ZNF385B: variants seen among roughly 807,000 people sequenced by gnomAD.
The protein encoded by ZNF385B is zinc finger protein 533.
Under a neutral mutation model 39.2 loss-of-function variants are expected in ZNF385B, and 23 were observed. The ratio of observed to expected loss-of-function variants is 0.59; its 90% CI spans 0.42 to 0.83. The LOEUF (loss-of-function observed/expected upper bound fraction) is 0.83. Ranked by LOEUF, ZNF385B falls within the 40% of genes least tolerant of loss-of-function variation. The pLI is 0.00. For synonymous variants in ZNF385B, 205 were observed against 222.6 expected, an observed-to-expected ratio of 0.92 and a Z score of 0.70; for missense variants, 552 against 598.9, an observed-to-expected ratio of 0.92 and a Z score of 0.82.
intron 3 of ZNF385B, among the ~76,000 whole-genome samples, chr2:179,749,869 C>T (rs1056432132): frequency 9.9e-5 from 15 of 152,080 alleles, no homozygotes; most frequent in Non-Finnish European, 2.1e-4. Context: ...TTAAGCAACT[C>T]TTATCTTTTA....
intron 3 of ZNF385B, among the ~76,000 whole-genome samples, chr2:179,634,533 C>A (rs1266657957): frequency 7.2e-5 from 11 of 152,114 alleles, no homozygotes. Context: ...GAATAGTAAT[C>A]ATTAAAAAGT....
In ZNF385B at chr2:179,445,607, C is replaced by T; in HGVS notation, c.1083G>A (p.Lys361=). The T allele has an allele frequency of 1.2e-6, 2 of 1,613,816 alleles. No individual in the cohort carries two copies. Among genetic ancestry groups the T allele is most frequent in the Non-Finnish European group, 1.7e-6 (2 of 1,179,900 alleles). The stretch of plus-strand genomic sequence containing the variant: ...CATCACAGATTTCACAATGAAATGT[C>T]TTGTTCTGTAGTCCTGACCCCTTAC... ...NGSKGSGLQN[K]TFHCEICDVH... Residue 361 remains lysine, a synonymous_variant, in exon 8 of 10, where the codon AAG becomes AAA. Transcript: ENST00000410066.
intron 3 of ZNF385B, among the ~76,000 whole-genome samples, chr2:179,740,103 A>C (rs1702000113): frequency 6.6e-6 from 1 of 152,186 alleles, no homozygotes. Context: ...TTCAAAATGT[A>C]GCCTGCCCTC....
chr2:179,760,159 T>C (rs1325891235), intron 3 of ZNF385B, among the ~76,000 whole-genome samples: 3 of 151,858 alleles, frequency 2.0e-5, no homozygotes, highest in South Asian at 2.1e-4. Flanking sequence ...AATCAGGATA[T>C]TGACATTGAT....
At chr2:179,469,765 T>C (rs563740266) in intron 6 of ZNF385B, among the ~76,000 whole-genome samples, 9 of 152,290 alleles carry the variant, frequency 5.9e-5, no homozygotes, top group South Asian at 2.1e-4. Flanking sequence ...TAGAGTCCTT[T>C]CTAAAATGTT....
At chr2:179,560,520 C>T (rs2061258996) in intron 3 of ZNF385B, among the ~76,000 whole-genome samples, 2 of 152,184 alleles carry the variant, frequency 1.3e-5, no homozygotes, top group Non-Finnish European at 2.9e-5. Context: ...CTACAACTTT[C>T]CAAACTCTGA....
intron 3 of ZNF385B, among the ~76,000 whole-genome samples, chr2:179,630,864 G>C (rs1244323378): frequency 6.6e-6 from 1 of 152,124 alleles, no homozygotes; most frequent in Admixed American, 6.5e-5. Context: ...TGAGAACTTC[G>C]TGACACATGC....
chr2:179,761,439 A>C (rs1000523283), intron 3 of ZNF385B, among the ~76,000 whole-genome samples: 2 of 152,144 alleles, frequency 1.3e-5, no homozygotes, highest in African/African-American at 4.8e-5. Flanking sequence ...AGCATTTTGT[A>C]ATTTTCAGCA....
At chr2:179,787,814 T>C (rs181934515) in intron 1 of ZNF385B, among the ~76,000 whole-genome samples, 171 of 152,282 alleles carry the variant, frequency 1.1e-3, no homozygotes, top group African/African-American at 3.8e-3. Context: ...TTTTCCAATA[T>C]ACTTCTCTCC....
intron 3 of ZNF385B, among the ~76,000 whole-genome samples, chr2:179,653,244 C>T (rs1693377299): frequency 6.6e-6 from 1 of 152,096 alleles, no homozygotes; most frequent in Non-Finnish European, 1.5e-5. Context: ...CAAGTTGGGA[C>T]CATTTCTTTC....
At chr2:179,503,166 T>C (rs963341025) in intron 5 of ZNF385B, among the ~76,000 whole-genome samples, 6 of 152,308 alleles carry the variant, frequency 3.9e-5, no homozygotes, top group African/African-American at 1.4e-4. Context: ...TGAGCCACTG[T>C]GCCTGGTAAG....
intron 1 of ZNF385B, among the ~76,000 whole-genome samples, chr2:179,834,802 T>C (rs1420835463): frequency 6.6e-6 from 1 of 152,172 alleles, no homozygotes; most frequent in Non-Finnish European, 1.5e-5. Context: ...AAGTTTAATA[T>C]CATCAACAAA....
intron 3 of ZNF385B, among the ~76,000 whole-genome samples, chr2:179,686,743 A>G (rs1300096869): frequency 6.6e-6 from 1 of 152,202 alleles, no homozygotes; most frequent in African/African-American, 2.4e-5. Flanking sequence ...AAATCAGCTA[A>G]AAAGTATTTC....
At chr2:179,799,213 A>G (rs113602791) in intron 1 of ZNF385B, among the ~76,000 whole-genome samples, 214 of 152,214 alleles carry the variant, frequency 1.4e-3, no homozygotes, top group African/African-American at 4.9e-3. Context: ...ATTCAGCAAC[A>G]TAGTCGAACG....
At chr2:179,788,132 C>A (rs1315288740) in intron 1 of ZNF385B, among the ~76,000 whole-genome samples, 1 of 152,066 alleles carries the variant, frequency 6.6e-6, no homozygotes, top group Non-Finnish European at 1.5e-5. Context: ...TCATTCTTTT[C>A]CTCTGTTACA....
intron 6 of ZNF385B, among the ~76,000 whole-genome samples, chr2:179,452,354 T>C (rs996602945): frequency 1.3e-5 from 2 of 152,102 alleles, no homozygotes; most frequent in Non-Finnish European, 2.9e-5. Flanking sequence ...ATCCACCTTA[T>C]TCATCAAACT....
intron 3 of ZNF385B, among the ~76,000 whole-genome samples, chr2:179,674,973 G>C (rs534185914): frequency 6.6e-6 from 1 of 152,318 alleles, no homozygotes; most frequent in East Asian, 1.9e-4. Context: ...AATCAAGGTT[G>C]TGTTAAATTT....
intron 3 of ZNF385B, among the ~76,000 whole-genome samples, chr2:179,635,786 T>A (rs1691698914): frequency 1.3e-5 from 2 of 152,128 alleles, no homozygotes; most frequent in African/African-American, 4.8e-5. Flanking sequence ...GTGATATCAC[T>A]CTTTAAAGAT....
chr2:179,725,579 G>A (rs749667529), intron 3 of ZNF385B, among the ~76,000 whole-genome samples: 9 of 151,114 alleles, frequency 6.0e-5, no homozygotes, highest in Non-Finnish European at 1.3e-4. Flanking sequence ...GTATAGTTTT[G>A]ATATGTATTC....
Sources: allele counts gnomAD v4.1 joint callset (sites outside exome capture counted in the v4.1 genomes callset), GRCh38; gene constraint gnomAD v4.1.1; transcripts MANE v1.5; gene names NCBI Gene and HGNC (gene_info 2026-07-23, HGNC 2026-07-21).